PCNX2: variants seen among roughly 807,000 people sequenced by gnomAD.
The protein encoded by PCNX2 is pecanex 2.
PCNX2 carries 168 observed loss-of-function variants against 223.8 expected under a neutral mutation model. The ratio of observed to expected loss-of-function variants is 0.75; its 90% CI spans 0.66 to 0.85. PCNX2 has a LOEUF of 0.85. Ranked by LOEUF, PCNX2 falls within the 40% of genes least tolerant of loss-of-function variation. The pLI is 0.00. For synonymous variants in PCNX2, 1,006 were observed against 1,052.6 expected, an observed-to-expected ratio of 0.96 and a Z score of 0.86; for missense variants, 2,507 against 2,675.5, an observed-to-expected ratio of 0.94 and a Z score of 1.39.
intron 25 of PCNX2, among the ~76,000 whole-genome samples, chr1:233,048,073 A>G (rs1224611926): frequency 1.3e-5 from 2 of 152,190 alleles, no homozygotes; most frequent in Non-Finnish European, 2.9e-5. Context: ...AAAACCACAT[A>G]CTTACATAGA....
In PCNX2 at chr1:233,102,087, C is replaced by CT. The variant is rs201107797; in HGVS notation, c.3838-6225dup. ...GAGTAAATGCATGAGATTCATTTTT[C>CT]TTTTTTTTTTTTTTTTTTGGCTCCC... On this transcript the variant is annotated intron_variant, in intron 21 of 33. Transcript: ENST00000258229. 5.2e-3 allele frequency among the ~76,000 whole-genome samples: 647 copies of CT among 124,986 alleles called. 11 individuals are homozygous for CT. In the South Asian group the frequency reaches 0.07, roughly 14 times the overall value. 82.0% of individuals were successfully genotyped at this position (124,986 alleles called of 152,430 possible). A position where few individuals can be genotyped will look rare whatever the true frequency, so the allele number is the denominator to read the frequency against.
At chr1:233,032,190 C>T in intron 25 of PCNX2, 1 of 506,936 alleles carries the variant, frequency 2.0e-6, no homozygotes, top group African/African-American at 2.1e-5. Flanking sequence ...ACAACCTCCG[C>T]CTCCCGGGTT....
chr1:233,287,512 G>A (rs757966105), intron 1 of PCNX2, among the ~76,000 whole-genome samples: 1 of 152,180 alleles, frequency 6.6e-6, no homozygotes, highest in Non-Finnish European at 1.5e-5. Flanking sequence ...ATAAAGGGGA[G>A]CTCTCCTGCA....
chr1:233,177,295 A>G (rs1217507140), intron 17 of PCNX2, among the ~76,000 whole-genome samples: 3 of 152,150 alleles, frequency 2.0e-5, no homozygotes, highest in African/African-American at 7.2e-5. Context: ...TCCTTATTTA[A>G]AGGTGTTTTT....
intron 25 of PCNX2, among the ~76,000 whole-genome samples, chr1:233,050,175 C>T (rs576212267): frequency 6.6e-6 from 1 of 151,844 alleles, no homozygotes; most frequent in South Asian, 2.1e-4. Context: ...CATCATGGCA[C>T]GTGTATATCT....
intron 21 of PCNX2, among the ~76,000 whole-genome samples, chr1:233,115,674 T>C (rs190566445): frequency 3.9e-5 from 6 of 152,118 alleles, no homozygotes; most frequent in Admixed American, 6.6e-5. Context: ...ATAACATAGA[T>C]GTTGGAATTA....
chr1:232,997,903 A>G (rs1210963529), intron 32 of PCNX2, among the ~76,000 whole-genome samples: 1 of 152,178 alleles, frequency 6.6e-6, no homozygotes, highest in Non-Finnish European at 1.5e-5. Context: ...GAGACAGTAC[A>G]TGGGCCAATA....
At chr1:233,100,386 C>A (rs941138393) in intron 21 of PCNX2, among the ~76,000 whole-genome samples, 2 of 142,716 alleles carry the variant, frequency 1.4e-5, no homozygotes, top group Non-Finnish European at 3.0e-5. Context: ...CCACTGCACT[C>A]CAGCCTGGGT....
chr1:233,199,451 ATG>A (rs138018059), intron 14 of PCNX2, among the ~76,000 whole-genome samples: 10,431 of 149,618 alleles, frequency 0.07, 601 homozygotes, highest in East Asian at 0.32. Flanking sequence ...TATGTAGTGT[ATG>A]TGTGTGTGTG....
intron 25 of PCNX2, among the ~76,000 whole-genome samples, chr1:233,038,337 C>G (rs1199161931): frequency 6.6e-6 from 1 of 152,176 alleles, no homozygotes; most frequent in Admixed American, 6.5e-5. Flanking sequence ...ATGCACTCAA[C>G]TCTACTCAGA....
intron 25 of PCNX2, among the ~76,000 whole-genome samples, chr1:233,033,381 G>C (rs1006090292): frequency 2.6e-5 from 4 of 152,156 alleles, no homozygotes; most frequent in Non-Finnish European, 4.4e-5. Context: ...TTGCATTCTA[G>C]GATACCCAGT....
At chr1:233,240,709 A>T (rs868767805) in intron 8 of PCNX2, among the ~76,000 whole-genome samples, 23 of 152,196 alleles carry the variant, frequency 1.5e-4, no homozygotes, top group African/African-American at 5.5e-4. Flanking sequence ...CTGCCACTAG[A>T]AGGTAATAAA....
chr1:233,004,270 AG>A (rs1302337273), intron 28 of PCNX2, among the ~76,000 whole-genome samples: 2 of 152,116 alleles, frequency 1.3e-5, no homozygotes, highest in Non-Finnish European at 2.9e-5. Flanking sequence ...CCGGGTGTTC[AG>A]GTTCCTAGGT....
intron 19 of PCNX2, among the ~76,000 whole-genome samples, chr1:233,148,512 A>G (rs941291009): frequency 1.3e-5 from 2 of 150,436 alleles, no homozygotes; most frequent in Non-Finnish European, 3.0e-5. Context: ...GGCTCACTGC[A>G]ACCTCTGCCT....
At chr1:233,200,583 GA>G (rs1055858062) in intron 13 of PCNX2, among the ~76,000 whole-genome samples, 5 of 151,890 alleles carry the variant, frequency 3.3e-5, no homozygotes, top group African/African-American at 9.7e-5. Context: ...CTGATGAAAG[GA>G]ACGCACACAA....
At chr1:233,034,683 C>A (rs146391699) in intron 25 of PCNX2, among the ~76,000 whole-genome samples, 63 of 152,146 alleles carry the variant, frequency 4.1e-4, no homozygotes, top group African/African-American at 1.4e-3. Context: ...AGTTGGAAAC[C>A]GAAGAATGGT....
chr1:233,170,497 T>C (rs1370596656), intron 17 of PCNX2, among the ~76,000 whole-genome samples: 3 of 152,206 alleles, frequency 2.0e-5, no homozygotes, highest in Non-Finnish European at 2.9e-5. Context: ...AGATATCTGG[T>C]TTTCTTATTG....
intron 13 of PCNX2, among the ~76,000 whole-genome samples, chr1:233,206,241 C>A (rs1681450809): frequency 6.6e-6 from 1 of 152,126 alleles, no homozygotes; most frequent in South Asian, 2.1e-4. Flanking sequence ...GAAAAGGCAG[C>A]ATTTTGACAT....
At chr1:233,079,673 C>A (rs1673267472) in intron 23 of PCNX2, among the ~76,000 whole-genome samples, 2 of 152,084 alleles carry the variant, frequency 1.3e-5, no homozygotes. Flanking sequence ...TTCAGTGGCT[C>A]ACAAAGCTGA....
Sources: gnomAD v4.1 joint callset for allele counts (sites outside exome capture counted in the v4.1 genomes callset) on GRCh38, gnomAD v4.1.1 for gene constraint, MANE v1.5 for transcripts, NCBI Gene and HGNC (gene_info 2026-07-23, HGNC 2026-07-21) for gene names.